The following SNRNP48 variants were observed in gnomAD, a reference collection of about 807,000 sequenced individuals.
The protein encoded by SNRNP48 is small nuclear ribonucleoprotein U11/U12 subunit 48, also known as U11/U12 small nuclear ribonucleoprotein 48 kDa protein.
SNRNP48 carries 43 observed loss-of-function variants against 47.0 expected under a neutral mutation model. The ratio of observed to expected loss-of-function variants is 0.92; its 90% CI spans 0.72 to 1.18. The LOEUF is 1.18. Among genes scored for constraint, SNRNP48 ranks in the 50% most tolerant of loss-of-function variants. SNRNP48 has a pLI of 0.00. For missense variants in SNRNP48, 396 were observed against 422.2 expected, an observed-to-expected ratio of 0.94 and a Z score of 0.54; for synonymous variants, 138 against 144.0, an observed-to-expected ratio of 0.96 and a Z score of 0.30.
intron 4 of SNRNP48, 96 bp from the exon 5 acceptor site, chr6:7,601,240 T>C (rs1168366552): frequency 1.0e-6 from 1 of 964,484 alleles, no homozygotes; most frequent in Non-Finnish European, 1.5e-6. Flanking sequence ...GTGTTAATAT[T>C]GCATTATTAA....
At chr6:7,594,040 C>A (rs2113714050) in intron 2 of SNRNP48, 59 bp from the exon 3 acceptor site, 2 of 1,120,368 alleles carry the variant, frequency 1.8e-6, no homozygotes, top group South Asian at 3.1e-5. Flanking sequence ...TTGTTTAGGT[C>A]AAGTCTTAAA....
intron 4 of SNRNP48, among the ~76,000 whole-genome samples, chr6:7,599,162 G>C (rs1157365348): frequency 6.6e-6 from 1 of 152,166 alleles, no homozygotes; most frequent in African/African-American, 2.4e-5. Flanking sequence ...AATTGACTCT[G>C]AATGAATTCT....
intron 4 of SNRNP48, chr6:7,600,784 A>G (rs1456233349): frequency 6.6e-6 from 1 of 152,068 alleles, no homozygotes; most frequent in Non-Finnish European, 1.5e-5. Flanking sequence ...CTGCTACTTA[A>G]TTATTTTGTG....
In SNRNP48 at chr6:7,600,235, A is replaced by C. The variant is rs1295610978; in HGVS notation, c.407-1101A>C. The C allele has an allele frequency of 3.1e-6, 3 of 979,986 alleles. No individual in the cohort carries two copies. The African/African-American group carries it at 5.2e-5, about 17-fold the overall frequency. 60.7% of individuals were successfully genotyped at this position (979,986 alleles called of 1,614,324 possible). On this transcript the variant is annotated intron_variant, in intron 4 of 8. Transcript: ENST00000342415. ...TCAGATTCACTGCAGCTCTCCTCTT[A>C]ATATGTAGACAAGTAGTACCTCTTT... is the stretch of plus-strand genomic sequence containing the variant.
rs1760197193 is a variant in SNRNP48 at position 7,609,724 on chromosome 6, T to G, written c.*851T>G. On this transcript the variant is annotated 3_prime_UTR_variant, in exon 9 of 9. Transcript: ENST00000342415. ...TAAGGTCTTAATGTTTCATTTAATT[T>G]AAAATATACTGTCATGTTGTGTTTT... 6.6e-6 allele frequency: 1 copy of G among 152,210 alleles called. No individual in the cohort carries two copies. The highest frequency in any genetic ancestry group is 6.5e-5 in the Admixed American group (1 of 15,288). The allele number at this position is 152,210 out of a possible 1,614,324, so 9.4% of individuals were successfully genotyped here. A position where few individuals can be genotyped will look rare whatever the true frequency, so the allele number is the denominator to read the frequency against.
rs767400329 is a variant in SNRNP48 at position 7,605,397 on chromosome 6, G to T, written c.718-1G>T. On this transcript the variant is annotated splice_acceptor_variant, in intron 6 of 8. Coordinates refer to ENST00000342415, the MANE Select transcript of SNRNP48 (RefSeq NM_152551.4). LOFTEE classifies it high-confidence loss of function. ...GAAGTTCGGTGCTTACCTCTCCCAA[G>T]GTGATTCGAGATGTGATAAATGTGC... 1 of 1,613,894 alleles carries T rather than the reference G, an allele frequency of 6.2e-7. No homozygotes were observed. The highest frequency in any genetic ancestry group is 8.5e-7 in the Non-Finnish European group (1 of 1,179,886).
At chr6:7,599,527 A>G (rs2113718742) in intron 4 of SNRNP48, 1 of 394,438 alleles carries the variant, frequency 2.5e-6, no homozygotes, top group Non-Finnish European at 4.2e-6. Context: ...AAATCATTTA[A>G]AAACATGCAT....
intron 3 of SNRNP48, 50 bp downstream of exon 3, chr6:7,594,209 T>C (rs1759865925): frequency 1.1e-6 from 1 of 921,414 alleles, no homozygotes; most frequent in Non-Finnish European, 1.6e-6. Context: ...TAGATATTGA[T>C]TTTTCATTTT....
At chr6:7,604,941 G>C (rs1223020667) in intron 6 of SNRNP48, among the ~76,000 whole-genome samples, 3 of 152,036 alleles carry the variant, frequency 2.0e-5, no homozygotes, top group Non-Finnish European at 4.4e-5. Context: ...ATAGTACCAA[G>C]AACTCCCATA....
At chr6:7,600,524 T>G (rs1297881883) in intron 4 of SNRNP48, 1 of 152,252 alleles carries the variant, frequency 6.6e-6, no homozygotes, top group Non-Finnish European at 1.5e-5. Flanking sequence ...ACAGTTCCAA[T>G]CATTTTTTTA....
At position 7,606,135 on chromosome 6, in the gene SNRNP48, A is replaced by G; in HGVS notation, c.911A>G (p.His304Arg). 1.2e-6 allele frequency: 2 copies of G among 1,613,876 alleles called. No individual in the cohort carries two copies. Among genetic ancestry groups the G allele is most frequent in the Non-Finnish European group, 1.7e-6 (2 of 1,179,920 alleles). ...AGAAGGGATAGGAGTAGAAGCCCAC[A>G]TAAAAGAAAAAGAAACAAAGATAAG... ...RHRRDRSRSP[H>R]KRKRNKDKDK... The change falls in exon 8 of 9, where the codon CAT becomes CGT. Residue 304 changes from histidine to arginine, a missense_variant. Coordinates refer to ENST00000342415, the MANE Select transcript of SNRNP48 (RefSeq NM_152551.4).
intron 4 of SNRNP48, among the ~76,000 whole-genome samples, chr6:7,596,828 TA>T (rs896949735): frequency 1.7e-4 from 26 of 152,320 alleles, no homozygotes; most frequent in African/African-American, 6.3e-4. Flanking sequence ...AGTGTACCCA[TA>T]AAAAAGTTGA....
In SNRNP48 at chr6:7,602,736, T is replaced by C. The variant is rs1189513156; in HGVS notation, c.709T>C (p.Tyr237His). The change falls in exon 6 of 9, where the codon TAT becomes CAT. Residue 237 changes from tyrosine to histidine, a missense_variant. Tyr to His is a moderately conservative substitution (Grantham distance 83). Transcript: ENST00000342415. ...AKNVHITKKSYTEVIRDVINV... is the reference protein window; with the variant it reads ...AKNVHITKKSHTEVIRDVINV... ...GAATGTTCACATAACCAAGAAATCATATACTGAGGTAAGTTTTACATAATC... is the reference window on the plus strand; with the variant it reads ...GAATGTTCACATAACCAAGAAATCACATACTGAGGTAAGTTTTACATAATC... 2.6e-6 allele frequency: 4 copies of C among 1,562,594 alleles called. No homozygotes were observed. The highest frequency in any genetic ancestry group is 1.4e-5 in the African/African-American group (1 of 71,954).
rs1759790767 is a variant in SNRNP48 at position 7,590,291 on chromosome 6, C to A, written c.34C>A (p.Arg12=). ...CGAGCCTCCACCTGTGGAGGAGCGG[C>A]GGCGGCTGCAGGAGGAGCTGAACGA... ...EGEPPPVEER[R]RLQEELNEFV... Residue 12 remains arginine (R), a synonymous_variant, in exon 1 of 9, where the codon CGG becomes AGG. Transcript: ENST00000342415. The A allele has an allele frequency of 2.9e-6, 4 of 1,370,906 alleles. No individual in the cohort carries two copies. The highest frequency in any genetic ancestry group is 2.8e-5 in the Admixed American group (1 of 36,240). The allele number at this position is 1,370,906 out of a possible 1,614,324, so 84.9% of individuals were successfully genotyped here. A position where few individuals can be genotyped will look rare whatever the true frequency, so the allele number is the denominator to read the frequency against.
intron 8 of SNRNP48, among the ~76,000 whole-genome samples, chr6:7,607,278 C>T (rs1335154209): frequency 6.6e-6 from 1 of 152,282 alleles, no homozygotes; most frequent in Non-Finnish European, 1.5e-5. Flanking sequence ...TGTTCTCACC[C>T]CTGCACTCCA....
chr6:7,593,975 G>C, intron 2 of SNRNP48, 124 bp from the exon 3 acceptor site: 1 of 975,526 alleles, frequency 1.0e-6, no homozygotes, highest in Non-Finnish European at 1.5e-6. Context: ...GGGTTGGTTG[G>C]TACTTGCCTA....
intron 6 of SNRNP48, among the ~76,000 whole-genome samples, chr6:7,604,208 C>T (rs756934876): frequency 1.3e-5 from 2 of 152,110 alleles, no homozygotes; most frequent in East Asian, 1.9e-4. Flanking sequence ...CAGGGAAGTG[C>T]GAGAGCTGGA....
rs1271751254 is a variant in SNRNP48 at position 7,608,901 on chromosome 6, T to C, written c.*28T>C. 3 of 1,298,960 alleles carry C rather than the reference T, an allele frequency of 2.3e-6. No homozygotes were observed. The highest frequency in any genetic ancestry group is 2.4e-5 in the Admixed American group (1 of 42,344). The allele number at this position is 1,298,960 out of a possible 1,614,324, so 80.5% of individuals were successfully genotyped here. A position where few individuals can be genotyped will look rare whatever the true frequency, so the allele number is the denominator to read the frequency against. ...GAAGTACTTGTACCTATATTAATTATGCTTACGCCATGATAACCAATATAC... is the reference window on the plus strand; with the variant it reads ...GAAGTACTTGTACCTATATTAATTACGCTTACGCCATGATAACCAATATAC... On this transcript the variant is annotated 3_prime_UTR_variant, in exon 9 of 9. Coordinates refer to ENST00000342415, the MANE Select transcript of SNRNP48 (RefSeq NM_152551.4).
chr6:7,598,466 G>A (rs1414017131), intron 4 of SNRNP48, among the ~76,000 whole-genome samples: 1 of 152,062 alleles, frequency 6.6e-6, no homozygotes, highest in Non-Finnish European at 1.5e-5. Flanking sequence ...CTGCACTCCA[G>A]TCTGGACGAC....
Sources: allele counts gnomAD v4.1 joint callset (sites outside exome capture counted in the v4.1 genomes callset), GRCh38; gene constraint gnomAD v4.1.1; transcripts MANE v1.5; gene names NCBI Gene and HGNC (gene_info 2026-07-23, HGNC 2026-07-21).